EYS: variants seen among roughly 807,000 people sequenced by gnomAD.
EYS encodes the protein protein eyes shut homolog.
Under a neutral mutation model 282.1 loss-of-function variants are expected in EYS, and 250 were observed. That is an observed-to-expected ratio of 0.89 (90% CI 0.80 to 0.98). EYS has a LOEUF of 0.98. Ranked by LOEUF, EYS falls within the 50% of genes least tolerant of loss-of-function variation. The pLI is 0.00. For synonymous variants in EYS, 1,355 were observed against 1,282.9 expected, an observed-to-expected ratio of 1.06 and a Z score of -1.20; for missense variants, 4,016 against 3,709.0, an observed-to-expected ratio of 1.08 and a Z score of -2.15.
At chr6:65,641,943 T>C (rs559289602) in intron 1 of EYS, among the ~76,000 whole-genome samples, 2 of 152,240 alleles carry the variant, frequency 1.3e-5, no homozygotes, top group South Asian at 4.1e-4. Context: ...CACGAAAAGA[T>C]TTAGAAACAA....
At chr6:65,271,136 A>ATATATATATATATATT (rs1351989088) in intron 12 of EYS, among the ~76,000 whole-genome samples, 2 of 116,670 alleles carry the variant, frequency 1.7e-5, no homozygotes, top group Non-Finnish European at 3.9e-5. Context: ...GATTATATAT[A>ATATATATATATATATT]TATATATATA....
intron 11 of EYS, among the ~76,000 whole-genome samples, chr6:65,327,339 A>C (rs969507199): frequency 6.6e-6 from 1 of 151,670 alleles, no homozygotes; most frequent in Admixed American, 6.6e-5. Flanking sequence ...AATTTAATAG[A>C]TGTTAATAAC....
At chr6:63,747,541 TG>T (rs1218010263) in intron 41 of EYS, among the ~76,000 whole-genome samples, 1 of 152,122 alleles carries the variant, frequency 6.6e-6, no homozygotes, top group Non-Finnish European at 1.5e-5. Context: ...ATATTGACAG[TG>T]GGGTGTTAAA....
chr6:63,918,137 A>T (rs1764473108), intron 35 of EYS, among the ~76,000 whole-genome samples: 1 of 152,228 alleles, frequency 6.6e-6, no homozygotes, highest in Non-Finnish European at 1.5e-5. Context: ...CAGATAAAAG[A>T]TTGCATAAAT....
intron 30 of EYS, among the ~76,000 whole-genome samples, chr6:64,299,267 A>C (rs554702027): frequency 4.0e-4 from 61 of 152,332 alleles, no homozygotes; most frequent in African/African-American, 1.4e-3. Context: ...TTAATTACCC[A>C]AAGGCGTGTT....
intron 33 of EYS, among the ~76,000 whole-genome samples, chr6:64,010,992 T>C (rs1472037537): frequency 3.9e-5 from 6 of 151,972 alleles, no homozygotes; most frequent in Admixed American, 6.6e-5. Flanking sequence ...TTCCCTTATA[T>C]ATTTTATTTA....
At chr6:65,267,535 C>A (rs192472522) in intron 12 of EYS, among the ~76,000 whole-genome samples, 1 of 151,932 alleles carries the variant, frequency 6.6e-6, no homozygotes, top group African/African-American at 2.4e-5. Flanking sequence ...CATAATTTAT[C>A]GGATGAAGCA....
At chr6:65,317,833 T>TC (rs1446574816) in intron 11 of EYS, among the ~76,000 whole-genome samples, 1 of 29,884 alleles carries the variant, frequency 3.3e-5, no homozygotes, top group African/African-American at 1.9e-4. Context: ...TTCCTTTCTT[T>TC]CTTTCTTTCT....
chr6:65,573,933 G>T (rs1356595022), intron 2 of EYS, among the ~76,000 whole-genome samples: 1 of 152,136 alleles, frequency 6.6e-6, no homozygotes, highest in Non-Finnish European at 1.5e-5. Flanking sequence ...GCTGCCTAGA[G>T]AGTTAAGCAG....
chr6:65,049,605 G>A lies in EYS; in HGVS notation c.2137+8009C>T, dbSNP rs1773205131. ...GAGTATTGTGCTGGAAATGAAGAAA[G>A]GTACCCATTTAGAAAACAATAGCGT... On this transcript the variant is annotated intron_variant, in intron 13 of 42. Coordinates refer to ENST00000503581, the MANE Select transcript of EYS (RefSeq NM_001142800.2). Among the ~76,000 whole-genome samples, 4 of 151,550 alleles carry A rather than the reference G, an allele frequency of 2.6e-5. 1 individual carries two copies. In the South Asian group the frequency reaches 8.3e-4, roughly 31 times the overall value.
At chr6:64,855,307 T>C (rs1300101256) in intron 19 of EYS, among the ~76,000 whole-genome samples, 4 of 152,068 alleles carry the variant, frequency 2.6e-5, no homozygotes, top group Non-Finnish European at 4.4e-5. Flanking sequence ...TGTTTTCTAT[T>C]TTTGCTCTGG....
chr6:64,679,170 A>C (rs1459992469), intron 22 of EYS, among the ~76,000 whole-genome samples: 1 of 141,358 alleles, frequency 7.1e-6, no homozygotes, highest in Admixed American at 7.5e-5. Context: ...CTCTTTAATT[A>C]GTTTCTGGTT....
At position 65,506,798 on chromosome 6, in the gene EYS, T is replaced by C. The variant is rs553701619; in HGVS notation, c.-332-10805A>G. ...CAATATCCTTTTTTAACTAATTTAATTTGATTTTTAAATAACAGTATTCTG... is the reference window on the plus strand; with the variant it reads ...CAATATCCTTTTTTAACTAATTTAACTTGATTTTTAAATAACAGTATTCTG... On this transcript the variant is annotated intron_variant, in intron 2 of 42. Transcript: ENST00000503581. 2.0e-5 allele frequency among the ~76,000 whole-genome samples: 3 copies of C among 152,178 alleles called. No homozygotes were observed. The South Asian group carries it at 6.2e-4, about 32-fold the overall frequency.
At chr6:63,893,587 G>A (rs1175629573) in intron 35 of EYS, among the ~76,000 whole-genome samples, 2 of 152,102 alleles carry the variant, frequency 1.3e-5, no homozygotes, top group African/African-American at 4.8e-5. Flanking sequence ...TGGTTGGGGG[G>A]CAAGGGGAGG....
intron 27 of EYS, among the ~76,000 whole-genome samples, chr6:64,438,032 T>C (rs1297158291): frequency 6.6e-6 from 1 of 151,760 alleles, no homozygotes; most frequent in Non-Finnish European, 1.5e-5. Flanking sequence ...ATGATTGGGA[T>C]GAGTTCCCTA....
chr6:64,982,525 C>T, intron 14 of EYS, among the ~76,000 whole-genome samples: 1 of 150,850 alleles, frequency 6.6e-6, no homozygotes, highest in East Asian at 2.0e-4. Context: ...TGAACAAAAC[C>T]TTGTATTGAA....
intron 10 of EYS, among the ~76,000 whole-genome samples, chr6:65,343,239 T>C (rs1439896028): frequency 6.6e-6 from 1 of 151,274 alleles, no homozygotes; most frequent in African/African-American, 2.4e-5. Context: ...TGACTCAATA[T>C]AAATTGATAC....
chr6:65,402,643 T>C (rs377748023), intron 6 of EYS, 38 bp from the exon 7 acceptor site: 7 of 1,417,892 alleles, frequency 4.9e-6, no homozygotes, highest in Admixed American at 1.7e-5. Context: ...CAAAGTATTA[T>C]GGATATTTCA....
At chr6:64,649,421 C>G (rs943771718) in intron 22 of EYS, among the ~76,000 whole-genome samples, 5 of 151,958 alleles carry the variant, frequency 3.3e-5, no homozygotes, top group African/African-American at 1.2e-4. Flanking sequence ...ACTGCAACCT[C>G]CGCCTTCCAG....
Sources: allele counts gnomAD v4.1 joint callset (sites outside exome capture counted in the v4.1 genomes callset), GRCh38; gene constraint gnomAD v4.1.1; transcripts MANE v1.5; gene names NCBI Gene and HGNC (gene_info 2026-07-23, HGNC 2026-07-21).